Variants in CD226 observed in about 807,000 individuals in gnomAD.
CD226 encodes the protein CD226 antigen.
In CD226, 24 loss-of-function variants were observed where a neutral mutation model predicts 34.9. The ratio of observed to expected loss-of-function variants is 0.69; its 90% CI spans 0.50 to 0.97. The LOEUF is 0.97. Ranked by LOEUF, CD226 falls within the 50% of genes least tolerant of loss-of-function variation. The pLI is 0.00. For synonymous variants in CD226, 148 were observed against 147.4 expected, an observed-to-expected ratio of 1.00 and a Z score of -0.03; for missense variants, 397 against 412.7, an observed-to-expected ratio of 0.96 and a Z score of 0.33.
chr18:69,899,832 A>G (rs1167153521), intron 2 of CD226, among the ~76,000 whole-genome samples: 1 of 152,214 alleles, frequency 6.6e-6, no homozygotes, highest in Non-Finnish European at 1.5e-5. Flanking sequence ...TGTTGGTGGG[A>G]GTGTAAATTA....
intron 2 of CD226, among the ~76,000 whole-genome samples, chr18:69,914,083 A>T (rs1433902290): frequency 6.6e-6 from 1 of 152,210 alleles, no homozygotes; most frequent in Non-Finnish European, 1.5e-5. Flanking sequence ...ATGATTTTGG[A>T]ACAATAATCT....
rs764014842 is a variant in CD226 at position 69,895,755 on chromosome 18, G to C, written c.673C>G (p.Gln225Glu). The C allele has an allele frequency of 6.2e-7, 1 of 1,614,166 alleles. No individual in the cohort carries two copies. The part of the protein sequence containing the change: ...SDSGLYRCYL[Q>E]ASAGENETFV... The stretch of plus-strand genomic sequence containing the variant: ...GTTTCGTTTTCTCCTGCGCTGGCCT[G>C]CAAGTAGCAGCGGTAAAGCCCCGAG... The change falls in exon 3 of 6, where the codon CAG (glutamine) becomes GAG (glutamate). Residue 225 changes from glutamine (Q) to glutamate (E), a missense_variant. Transcript: ENST00000582621.
At chr18:69,865,776 C>T (rs1410777196) in intron 5 of CD226, among the ~76,000 whole-genome samples, 1 of 152,184 alleles carries the variant, frequency 6.6e-6, no homozygotes, top group Non-Finnish European at 1.5e-5. Flanking sequence ...ATCTGATGAA[C>T]ACATGTTGGA....
intron 2 of CD226, among the ~76,000 whole-genome samples, chr18:69,910,372 G>A (rs2055309447): frequency 6.6e-6 from 1 of 152,154 alleles, no homozygotes; most frequent in Admixed American, 6.6e-5. Context: ...GATGTGATGA[G>A]AAGGGGTTCA....
rs763366009 is a variant in CD226 at position 69,867,393 on chromosome 18, T to C, written c.849A>G (p.Arg283=). ...IFLNRRRRRE[R]RDLFTESWDT... is the part of the protein sequence containing the mutation. ...CCCAGGACTCTGTAAATAGATCTCT[T>C]CTCTCTCTCCTTCTCCTTCTGGAAT... Residue 283 remains arginine (R), a synonymous_variant, in exon 5 of 6, where the codon AGA becomes AGG. Coordinates refer to ENST00000582621, the MANE Select transcript of CD226 (RefSeq NM_001303618.2). 3.9e-5 allele frequency: 61 copies of C among 1,575,614 alleles called. No individual in the cohort carries two copies. The highest frequency in any genetic ancestry group is 5.2e-5 in the Non-Finnish European group (59 of 1,145,350).
chr18:69,950,668 A>G (rs1265212800), upstream of CD226, among the ~76,000 whole-genome samples: 2 of 152,096 alleles, frequency 1.3e-5, no homozygotes. Flanking sequence ...GACTTTGTGG[A>G]AGTTTTTCAA....
intron 1 of CD226, among the ~76,000 whole-genome samples, chr18:69,955,246 A>G (rs1443436251): frequency 6.6e-6 from 1 of 152,162 alleles, no homozygotes; most frequent in Admixed American, 6.5e-5. Context: ...CTGCTTCCCC[A>G]GATGTCTCTA....
intron 3 of CD226, among the ~76,000 whole-genome samples, chr18:69,877,076 C>A (rs938571111): frequency 2.0e-5 from 3 of 152,036 alleles, no homozygotes; most frequent in East Asian, 1.9e-4. Flanking sequence ...GTTAGTCAGG[C>A]TGGTCTCGAA....
At chr18:69,895,361 T>C (rs1346992861) in intron 3 of CD226, among the ~76,000 whole-genome samples, 3 of 152,136 alleles carry the variant, frequency 2.0e-5, no homozygotes, top group Non-Finnish European at 4.4e-5. Flanking sequence ...CCATCAAAAA[T>C]ATTCATGTAA....
chr18:69,903,991 T>C (rs2055219350), intron 2 of CD226, among the ~76,000 whole-genome samples: 1 of 151,732 alleles, frequency 6.6e-6, no homozygotes, highest in South Asian at 2.1e-4. Flanking sequence ...GCTGAGAAAA[T>C]CGGCCGTCTT....
Position 69,884,970 on chromosome 18 carries a change from TA to T in CD226, c.727+10730del, listed in dbSNP as rs577588821. Among the ~76,000 whole-genome samples the T allele has an allele frequency of 4.0e-3, 606 of 152,336 alleles. 2 individuals are homozygous for T. Among genetic ancestry groups the T allele is most frequent in the Non-Finnish European group, 7.1e-3 (480 of 68,032 alleles). The stretch of plus-strand genomic sequence containing the variant: ...TTTAGTGCTTATTCAATAACAAAAT[TA>T]TTTTGTTTTCTACCTTTGTGGAGCA... On this transcript the variant is annotated intron_variant, in intron 3 of 5. Transcript: ENST00000582621.
chr18:69,942,322 C>T (rs1389507959), intron 2 of CD226, among the ~76,000 whole-genome samples: 2 of 152,214 alleles, frequency 1.3e-5, no homozygotes, highest in African/African-American at 4.8e-5. Context: ...CTCCTGCTAG[C>T]AGTGTGTAAA....
rs1982650253 is a variant in CD226 at position 69,857,642 on chromosome 18, T to G, written c.*6672A>C. 6.6e-6 allele frequency: 1 copy of G among 152,232 alleles called. No individual in the cohort carries two copies. The highest frequency in any genetic ancestry group is 1.5e-5 in the Non-Finnish European group (1 of 68,036). The allele number at this position is 152,232 out of a possible 1,614,324, so 9.4% of individuals were successfully genotyped here. A position where few individuals can be genotyped will look rare whatever the true frequency, so the allele number is the denominator to read the frequency against. ...TAAGTTATCATAGCTTCTTCTCAAG[T>G]TTTATTTTTATGTCTTACAAATATG... On this transcript the variant is annotated 3_prime_UTR_variant, in exon 6 of 6. Transcript: ENST00000582621.
intron 3 of CD226, among the ~76,000 whole-genome samples, chr18:69,880,994 A>C (rs1235778474): frequency 2.6e-5 from 4 of 152,174 alleles, no homozygotes; most frequent in African/African-American, 4.8e-5. Context: ...ATAGTCAATA[A>C]TAATGTATAC....
rs1426781436 is a variant in CD226, at chr18:69,861,542, G to GTATATATATATTTATATATATATA, written c.*2771_*2772insTATATATATATAAATATATATATA. The GTATATATATATTTATATATATATA allele has an allele frequency of 2.4e-5, 1 of 41,542 alleles. No individual in the cohort carries two copies. Among genetic ancestry groups the GTATATATATATTTATATATATATA allele is most frequent in the East Asian group, 1.1e-3 (1 of 912 alleles). The allele number at this position is 41,542 out of a possible 1,614,324, so 2.6% of individuals were successfully genotyped here. A position where few individuals can be genotyped will look rare whatever the true frequency, so the allele number is the denominator to read the frequency against. On this transcript the variant is annotated 3_prime_UTR_variant, in exon 6 of 6. Transcript: ENST00000582621. ...TTATCCATCGATATAAATTATATGT[G>GTATATATATATTTATATATATATA]TATATATATATGTATATATATATAT...
chr18:69,948,149 T>A (rs2055815685), upstream of CD226, among the ~76,000 whole-genome samples: 3 of 152,206 alleles, frequency 2.0e-5, no homozygotes, highest in Non-Finnish European at 4.4e-5. Context: ...CAGGTCCCTG[T>A]CCCCAGGTTC....
chr18:69,881,383 CAG>C (rs1458303616), intron 3 of CD226, among the ~76,000 whole-genome samples: 5 of 152,148 alleles, frequency 3.3e-5, no homozygotes, highest in Non-Finnish European at 5.9e-5. Flanking sequence ...TTATTGAAAA[CAG>C]AGACTGAGGA....
At chr18:69,885,837 A>G (rs1194475603) in intron 3 of CD226, among the ~76,000 whole-genome samples, 1 of 152,116 alleles carries the variant, frequency 6.6e-6, no homozygotes, top group African/African-American at 2.4e-5. Flanking sequence ...GAAGGAAGAC[A>G]GGAAGGAAGG....
intron 1 of CD226, among the ~76,000 whole-genome samples, chr18:69,954,713 G>A (rs1212196147): frequency 1.3e-5 from 2 of 152,146 alleles, no homozygotes; most frequent in Admixed American, 1.3e-4. Context: ...AACTAGTCAA[G>A]AGATGAAGAG....
Sources: gnomAD v4.1 joint callset for allele counts (sites outside exome capture counted in the v4.1 genomes callset) on GRCh38, gnomAD v4.1.1 for gene constraint, MANE v1.5 for transcripts, NCBI Gene and HGNC (gene_info 2026-07-23, HGNC 2026-07-21) for gene names.